Variants in SOX6 observed in about 807,000 individuals in gnomAD.
SOX6 encodes the protein transcription factor SOX-6.
A neutral mutation model predicts 97.8 loss-of-function variants in SOX6; 11 were observed. The observed-to-expected ratio is 0.11, with a 90% CI of 0.07 to 0.19. The LOEUF (loss-of-function observed/expected upper bound fraction) is 0.19, where lower values mean the gene tolerates loss of function less well. Among genes scored for constraint, SOX6 ranks in the 10% least tolerant of loss-of-function variants. The pLI is 1.00. For synonymous variants in SOX6, 360 were observed against 371.4 expected, an observed-to-expected ratio of 0.97 and a Z score of 0.35; for missense variants, 810 against 1,039.5, an observed-to-expected ratio of 0.78 and a Z score of 3.04.
At chr11:16,424,019 A>G (rs1859074321) in intron 1 of SOX6, among the ~76,000 whole-genome samples, 2 of 152,192 alleles carry the variant, frequency 1.3e-5, no homozygotes, top group South Asian at 4.1e-4. Flanking sequence ...AAGTGAGAAG[A>G]GTGAGGCCTG....
At chr11:16,325,569 C>T (rs951102954) in intron 2 of SOX6, among the ~76,000 whole-genome samples, 3 of 151,952 alleles carry the variant, frequency 2.0e-5, no homozygotes, top group Non-Finnish European at 2.9e-5. Flanking sequence ...TTGAAGATGT[C>T]GAGAGAGTCA....
intron 3 of SOX6, among the ~76,000 whole-genome samples, chr11:16,708,648 A>C (rs1315644534): frequency 6.6e-6 from 1 of 152,192 alleles, no homozygotes; most frequent in Non-Finnish European, 1.5e-5. Context: ...ATTACCTAAA[A>C]ACTCTGCCTG....
chr11:16,510,067 G>T (rs1860853317), intron 4 of SOX6, among the ~76,000 whole-genome samples: 4 of 151,968 alleles, frequency 2.6e-5, no homozygotes, highest in South Asian at 4.1e-4. Flanking sequence ...TGAAGCATGT[G>T]AAAGATTTAC....
chr11:16,206,696 T>C (rs1055907030), intron 4 of SOX6, among the ~76,000 whole-genome samples: 1 of 152,228 alleles, frequency 6.6e-6, no homozygotes, highest in African/African-American at 2.4e-5. Context: ...TATGATCATA[T>C]AATGTCTATA....
intron 3 of SOX6, chr11:16,646,179 AC>A (rs1195938133): frequency 2.0e-5 from 3 of 152,220 alleles, no homozygotes; most frequent in Non-Finnish European, 4.4e-5. Flanking sequence ...GACAAATCAC[AC>A]AAACATATTT....
chr11:16,714,322 G>A (rs566962176), intron 3 of SOX6, among the ~76,000 whole-genome samples: 16 of 151,394 alleles, frequency 1.1e-4, no homozygotes, highest in Non-Finnish European at 1.6e-4. Flanking sequence ...AACTTTCAAA[G>A]TTCTTTTCAT....
intron 9 of SOX6, among the ~76,000 whole-genome samples, chr11:16,091,206 T>C (rs1447257820): frequency 6.6e-6 from 1 of 152,092 alleles, no homozygotes; most frequent in African/African-American, 2.4e-5. Flanking sequence ...TGAAGGCTGA[T>C]TAAGAGAAAA....
intron 6 of SOX6, among the ~76,000 whole-genome samples, chr11:16,156,541 A>G (rs149651584): frequency 1.3e-5 from 2 of 152,124 alleles, no homozygotes; most frequent in Non-Finnish European, 2.9e-5. Flanking sequence ...ATAATTCAGC[A>G]TGTCAAAAAT....
chr11:16,304,367 C>T (rs117228306), intron 3 of SOX6, among the ~76,000 whole-genome samples: 2 of 152,204 alleles, frequency 1.3e-5, no homozygotes, highest in East Asian at 3.9e-4. Flanking sequence ...AGGGCTCCAC[C>T]TTCATGAATA....
intron 3 of SOX6, among the ~76,000 whole-genome samples, chr11:16,286,183 C>T (rs1282216530): frequency 6.6e-6 from 1 of 152,036 alleles, no homozygotes; most frequent in Non-Finnish European, 1.5e-5. Flanking sequence ...TACAGATTTC[C>T]AGGGTCCACG....
intron 1 of SOX6, among the ~76,000 whole-genome samples, chr11:16,404,296 A>T (rs1858632771): frequency 1.3e-5 from 2 of 151,888 alleles, no homozygotes; most frequent in African/African-American, 4.8e-5. Context: ...AAATTAATTA[A>T]CAATCTCACT....
At chr11:16,580,024 T>C (rs1001840993) in intron 4 of SOX6, among the ~76,000 whole-genome samples, 1 of 152,176 alleles carries the variant, frequency 6.6e-6, no homozygotes, top group Non-Finnish European at 1.5e-5. Flanking sequence ...CTTTACTAAT[T>C]ATAAAACAGA....
intron 3 of SOX6, among the ~76,000 whole-genome samples, chr11:16,242,178 C>A (rs193004946): frequency 3.3e-5 from 5 of 152,164 alleles, no homozygotes; most frequent in Admixed American, 2.6e-4. Flanking sequence ...ACTCCACATA[C>A]AATGGTAGTC....
In SOX6 at chr11:16,400,099, G is replaced by C. The variant is rs548457307; in HGVS notation, c.-4-58847C>G. On this transcript the variant is annotated intron_variant, in intron 1 of 15. Transcript: ENST00000396356. ...TAAATATTGTTGAACATGTTTAATG[G>C]TCTAGGCATTGTTCAAGACACTGGC... Among the ~76,000 whole-genome samples the C allele has an allele frequency of 4.6e-5, 7 of 151,458 alleles. No individual in the cohort carries two copies. In the South Asian group the frequency reaches 1.5e-3, roughly 31 times the overall value.
intron 1 of SOX6, among the ~76,000 whole-genome samples, chr11:16,442,115 G>C (rs1407297039): frequency 6.6e-6 from 1 of 152,118 alleles, no homozygotes; most frequent in Non-Finnish European, 1.5e-5. Context: ...GTTATGCATT[G>C]CATTAAACAG....
intron 3 of SOX6, among the ~76,000 whole-genome samples, chr11:16,271,856 T>C (rs1261312153): frequency 6.6e-6 from 1 of 151,130 alleles, no homozygotes; most frequent in East Asian, 1.9e-4. Context: ...CTGCTTTTTA[T>C]CTTCATTATT....
At chr11:16,151,595 AC>A (rs1347267862) in intron 6 of SOX6, among the ~76,000 whole-genome samples, 1 of 152,134 alleles carries the variant, frequency 6.6e-6, no homozygotes, top group Non-Finnish European at 1.5e-5. Context: ...GGAGAGTTTC[AC>A]CCCATAATTT....
intron 1 of SOX6, among the ~76,000 whole-genome samples, chr11:16,422,498 T>C (rs1426526018): frequency 6.6e-6 from 1 of 152,230 alleles, no homozygotes; most frequent in Admixed American, 6.5e-5. Context: ...GGCCTTATAG[T>C]CTACCTGGAG....
At position 16,706,471 on chromosome 11, in the gene SOX6, AATATATATATATATATATATATATAT is replaced by A. The variant is rs1157835806; in HGVS notation, n.429+8333_429+8358del. ...TCACAAAAAAAAAAAAAAAAAAAAA[AATATATATATATATATATATATATAT>A]ATATATATATATATATATATATATA... On this transcript the variant is annotated intron_variant and non_coding_transcript_variant, in intron 3 of 5. Transcript: ENST00000524520. Among the ~76,000 whole-genome samples, 34 of 22,266 alleles carry A rather than the reference AATATATATATATATATATATATATAT, an allele frequency of 1.5e-3. 4 individuals carry two copies. Among genetic ancestry groups the A allele is most frequent in the African/African-American group, 6.1e-3 (27 of 4,410 alleles). 14.6% of individuals were successfully genotyped at this position (22,266 alleles called of 152,430 possible).
Sources: gnomAD v4.1 joint callset for allele counts (sites outside exome capture counted in the v4.1 genomes callset) on GRCh38, gnomAD v4.1.1 for gene constraint, MANE v1.5 for transcripts, NCBI Gene and HGNC (gene_info 2026-07-23, HGNC 2026-07-21) for gene names.